The following PCSK5 variants were observed in gnomAD, a reference collection of about 807,000 sequenced individuals.
PCSK5 encodes proprotein convertase subtilisin/kexin type 5, also known as prohormone convertase 5.
In PCSK5, 129 loss-of-function variants were observed where a neutral mutation model predicts 233.2. That is an observed-to-expected ratio of 0.55 (90% confidence interval 0.48 to 0.64). The LOEUF (loss-of-function observed/expected upper bound fraction) is 0.64, where lower values mean the gene tolerates loss of function less well. Ranked by LOEUF, PCSK5 falls within the 30% of genes least tolerant of loss-of-function variation. PCSK5 has a pLI of 0.00. For synonymous variants in PCSK5, 825 were observed against 879.2 expected (o/e 0.94, Z 1.09); for missense variants, 2,076 against 2,430.1 (o/e 0.85, Z 3.06).
chr9:75,924,316 G>A (rs1823383074), intron 1 of PCSK5, among the ~76,000 whole-genome samples: 1 of 152,066 alleles, frequency 6.6e-6, no homozygotes, highest in Non-Finnish European at 1.5e-5. Flanking sequence ...ATTTAGGAAG[G>A]AATCAAGGAT....
chr9:76,342,431 G>A (rs1829859810), intron 35 of PCSK5, among the ~76,000 whole-genome samples: 1 of 151,978 alleles, frequency 6.6e-6, no homozygotes, highest in African/African-American at 2.4e-5. Flanking sequence ...ATATGTTGAT[G>A]ATATAGAAAC....
At chr9:76,104,662 C>T (rs998960351) in intron 8 of PCSK5, among the ~76,000 whole-genome samples, 1 of 152,166 alleles carries the variant, frequency 6.6e-6, no homozygotes, top group South Asian at 2.1e-4. Flanking sequence ...ATTTATTAGA[C>T]TCAAGTGCTA....
chr9:76,180,210 CT>C (rs1327370858), intron 15 of PCSK5, among the ~76,000 whole-genome samples: 1 of 151,792 alleles, frequency 6.6e-6, no homozygotes, highest in African/African-American at 2.4e-5. Context: ...GGCCAGAACA[CT>C]TAAACACTAC....
intron 24 of PCSK5, among the ~76,000 whole-genome samples, chr9:76,283,246 T>C (rs1827937730): frequency 6.6e-6 from 1 of 152,194 alleles, no homozygotes; most frequent in African/African-American, 2.4e-5. Context: ...GTGGGTAAAA[T>C]GCTATCAAAC....
At chr9:76,167,779 A>G (rs753046445) in intron 12 of PCSK5, among the ~76,000 whole-genome samples, 5 of 152,214 alleles carry the variant, frequency 3.3e-5, no homozygotes, top group Non-Finnish European at 5.9e-5. Flanking sequence ...TTGTCTGGTA[A>G]ACATGAGATT....
At chr9:76,043,230 A>G (rs1420903470) in intron 5 of PCSK5, among the ~76,000 whole-genome samples, 3 of 150,220 alleles carry the variant, frequency 2.0e-5, no homozygotes, top group African/African-American at 7.3e-5. Flanking sequence ...CTGTAGTCCC[A>G]GAGGCTGAGG....
intron 13 of PCSK5, among the ~76,000 whole-genome samples, chr9:76,171,264 G>A (rs1227600642): frequency 6.6e-6 from 1 of 152,058 alleles, no homozygotes; most frequent in Non-Finnish European, 1.5e-5. Context: ...CCTGCCATGA[G>A]GTTGCACAGG....
At chr9:76,285,690 T>C (rs959426811) in intron 24 of PCSK5, among the ~76,000 whole-genome samples, 6 of 152,176 alleles carry the variant, frequency 3.9e-5, no homozygotes, top group African/African-American at 1.4e-4. Flanking sequence ...TGCCTAAACA[T>C]AGTGTCTACT....
chr9:76,182,380 C>A (rs921457354), intron 16 of PCSK5, among the ~76,000 whole-genome samples: 1 of 152,182 alleles, frequency 6.6e-6, no homozygotes, highest in African/African-American at 2.4e-5. Context: ...AATGAGGGAA[C>A]TTGCAAGGTG....
At position 76,354,675 on chromosome 9, in the gene PCSK5, G is replaced by T. The variant is rs958849858; in HGVS notation, c.5254+456G>T. 1.3e-5 allele frequency among the ~76,000 whole-genome samples: 2 copies of T among 152,272 alleles called. 1 individual carries two copies. The highest frequency in any genetic ancestry group is 1.3e-4 in the Admixed American group (2 of 15,290). ...ACCTGTAATCCCAGCTACCAGGAAG[G>T]CTGAGGTGAGAGGATCTCTTGAGCC... is the stretch of plus-strand genomic sequence containing the variant. On this transcript the variant is annotated intron_variant, in intron 37 of 37. Transcript: ENST00000674117.
At chr9:76,315,608 C>G (rs898808634) in intron 30 of PCSK5, among the ~76,000 whole-genome samples, 4 of 151,320 alleles carry the variant, frequency 2.6e-5, no homozygotes, top group Non-Finnish European at 5.9e-5. Context: ...GAAAGGAGAA[C>G]CAACTCCCAG....
chr9:76,088,006 A>T (rs777740445), intron 7 of PCSK5, among the ~76,000 whole-genome samples: 18 of 152,270 alleles, frequency 1.2e-4, no homozygotes, highest in Non-Finnish European at 2.6e-4. Context: ...CATCTCTCTC[A>T]TCAGCCATCT....
intron 24 of PCSK5, among the ~76,000 whole-genome samples, chr9:76,276,915 T>G (rs2131380812): frequency 6.6e-6 from 1 of 152,302 alleles, no homozygotes; most frequent in African/African-American, 2.4e-5. Context: ...AACAAAAATT[T>G]ATGCTTTGTT....
At chr9:76,146,020 A>G (rs1024293983) in intron 10 of PCSK5, among the ~76,000 whole-genome samples, 4 of 152,148 alleles carry the variant, frequency 2.6e-5, no homozygotes, top group Non-Finnish European at 5.9e-5. Context: ...TGGGAAATAA[A>G]TAGATCCAGA....
At chr9:76,329,653 T>C (rs1829469173) in intron 33 of PCSK5, among the ~76,000 whole-genome samples, 1 of 152,042 alleles carries the variant, frequency 6.6e-6, no homozygotes, top group Non-Finnish European at 1.5e-5. Flanking sequence ...ACCAACATGA[T>C]GAAATCCCAT....
At chr9:76,171,101 GA>G (rs1469852756) in intron 13 of PCSK5, among the ~76,000 whole-genome samples, 1 of 152,176 alleles carries the variant, frequency 6.6e-6, no homozygotes, top group Non-Finnish European at 1.5e-5. Flanking sequence ...TTTTTATCAA[GA>G]AAGCAAATGT....
chr9:76,246,166 C>A (rs1478973041), intron 24 of PCSK5, among the ~76,000 whole-genome samples: 2 of 151,384 alleles, frequency 1.3e-5, no homozygotes, highest in Non-Finnish European at 2.9e-5. Context: ...CATGGTGAAA[C>A]CCCCGTCTCT....
At chr9:76,349,115 T>TAA (rs11450087) in intron 35 of PCSK5, among the ~76,000 whole-genome samples, 70 of 148,986 alleles carry the variant, frequency 4.7e-4, no homozygotes, top group African/African-American at 1.1e-3. Context: ...ACTAAAAACA[T>TAA]AAAAAAAAAT....
chr9:76,296,837 G>A lies in PCSK5; in HGVS notation c.3495G>A (p.Lys1165=). 6.2e-7 allele frequency: 1 copy of A among 1,611,866 alleles called. No homozygotes were observed. Among genetic ancestry groups the A allele is most frequent in the South Asian group, 1.1e-5 (1 of 91,022 alleles). Residue 1165 remains lysine (K), a synonymous_variant, in exon 27 of 38, where the codon AAG becomes AAA. Coordinates refer to ENST00000674117, the MANE Select transcript of PCSK5 (RefSeq NM_001372043.1). ...GTGGGATGTGCGTGCATGCCACCAA[G>A]ACCCAGGAGGAGGGCAAATTCTGGA... ...LLRGMCVHAT[K]TQEEGKFWNE...
Sources: allele counts gnomAD v4.1 joint callset (sites outside exome capture counted in the v4.1 genomes callset), GRCh38; gene constraint gnomAD v4.1.1; transcripts MANE v1.5; gene names NCBI Gene and HGNC (gene_info 2026-07-23, HGNC 2026-07-21).